Variants in RERE observed in about 807,000 individuals in gnomAD.
The protein encoded by RERE is arginine-glutamic acid dipeptide repeats.
RERE carries 40 observed loss-of-function variants against 146.1 expected under a neutral mutation model. That is an observed-to-expected ratio of 0.27 (90% CI 0.21 to 0.36). The LOEUF is 0.36. RERE is among the 10% of genes least tolerant of loss of function. RERE has a pLI of 1.00. For missense variants in RERE, 1,933 were observed against 2,138.7 expected, an observed-to-expected ratio of 0.90 and a Z score of 1.90; for synonymous variants, 1,003 against 866.0, an observed-to-expected ratio of 1.16 and a Z score of -2.78.
intron 11 of RERE, among the ~76,000 whole-genome samples, chr1:8,449,794 G>T (rs989798746): frequency 1.3e-5 from 2 of 152,192 alleles, no homozygotes; most frequent in Non-Finnish European, 2.9e-5. Flanking sequence ...TTGGATGGGG[G>T]TCAGTAATTT....
At chr1:8,436,712 T>C (rs1644174593) in intron 11 of RERE, among the ~76,000 whole-genome samples, 1 of 152,242 alleles carries the variant, frequency 6.6e-6, no homozygotes, top group African/African-American at 2.4e-5. Context: ...GTAAAATTAA[T>C]TTAAATGTTT....
intron 11 of RERE, among the ~76,000 whole-genome samples, chr1:8,442,678 C>T (rs988656456): frequency 4.6e-5 from 7 of 152,114 alleles, no homozygotes; most frequent in Non-Finnish European, 1.0e-4. Context: ...GCTATAAAGA[C>T]ACCTGAAAAT....
chr1:8,593,746 TTCTCTATTCA>T (rs1319853669), intron 4 of RERE, among the ~76,000 whole-genome samples: 1 of 152,228 alleles, frequency 6.6e-6, no homozygotes, highest in Non-Finnish European at 1.5e-5. Flanking sequence ...TACTTTCAGC[TTCTCTATTCA>T]TCTCCTGGTG....
At chr1:8,733,667 C>A (rs1640136152) in intron 1 of RERE, among the ~76,000 whole-genome samples, 1 of 152,222 alleles carries the variant, frequency 6.6e-6, no homozygotes. Flanking sequence ...CCCTATCAAG[C>A]CTTCAGTTGA....
intron 6 of RERE, 48 bp from the exon 7 acceptor site, chr1:8,541,366 G>C: frequency 8.2e-7 from 1 of 1,223,600 alleles, no homozygotes. Context: ...AACTGCTTTT[G>C]CTAACCAAAA....
chr1:8,739,532 C>T (rs569863560), intron 1 of RERE, among the ~76,000 whole-genome samples: 4 of 152,312 alleles, frequency 2.6e-5, no homozygotes, highest in South Asian at 4.2e-4. Context: ...CTTTCCTCCT[C>T]AATGTCTCTC....
chr1:8,551,731 T>C (rs1645938481), intron 6 of RERE, among the ~76,000 whole-genome samples: 1 of 152,344 alleles, frequency 6.6e-6, no homozygotes, highest in African/African-American at 2.4e-5. Flanking sequence ...ACCAGATGTG[T>C]GTGTTTGGTT....
intron 1 of RERE, among the ~76,000 whole-genome samples, chr1:8,701,421 AG>A (rs1417379974): frequency 6.6e-6 from 1 of 152,150 alleles, no homozygotes; most frequent in African/African-American, 2.4e-5. Context: ...ACACACACAA[AG>A]GAAGTGGTAC....
At chr1:8,674,178 T>G (rs146711005) in intron 1 of RERE, among the ~76,000 whole-genome samples, 74 of 152,306 alleles carry the variant, frequency 4.9e-4, no homozygotes, top group African/African-American at 1.7e-3. Context: ...TTAAATAATA[T>G]GTGCAAAGTT....
At chr1:8,507,386 A>G (rs1645265768) in intron 8 of RERE, among the ~76,000 whole-genome samples, 1 of 152,226 alleles carries the variant, frequency 6.6e-6, no homozygotes, top group African/African-American at 2.4e-5. Flanking sequence ...TGTCCTAACC[A>G]TCTTGACTCT....
intron 12 of RERE, among the ~76,000 whole-genome samples, chr1:8,374,904 T>C (rs1015650086): frequency 2.0e-5 from 3 of 152,196 alleles, no homozygotes; most frequent in Admixed American, 6.5e-5. Flanking sequence ...CCAGGCCCTG[T>C]AGTCCTCCTC....
Position 8,364,636 on chromosome 1 carries a change from T to G in RERE, c.1540+110A>C. 1.3e-6 allele frequency: 1 copy of G among 773,130 alleles called. No homozygotes were observed. The highest frequency in any genetic ancestry group is 1.5e-5 in the South Asian group (1 of 67,464). 47.9% of individuals were successfully genotyped at this position (773,130 alleles called of 1,614,324 possible). On this transcript the variant is annotated intron_variant, in intron 14 of 22. Coordinates refer to ENST00000400908, the MANE Select transcript of RERE (RefSeq NM_001042681.2). The surrounding 1 kb of genome is among the most constrained non-coding windows in gnomAD (Gnocchi z 5.1). ...CGAATCCCGAAGCACAATGCAAATG[T>G]CAAATCAAGTACTGTCCCTGGCAGG...
In RERE at chr1:8,362,980, C is replaced by T. The variant is rs1397728411; in HGVS notation, c.1741-136G>A. 6.4e-6 allele frequency: 6 copies of T among 934,090 alleles called. No individual in the cohort carries two copies. The South Asian group carries it at 6.8e-5, about 11-fold the overall frequency. The allele number at this position is 934,090 out of a possible 1,614,324, so 57.9% of individuals were successfully genotyped here. On this transcript the variant is annotated intron_variant, in intron 15 of 22. Transcript: ENST00000400908. ...GCAAATCCCAGACCTTGGCAAACAA[C>T]AGGCCGCCCTGCCTGTCCCTGGCTG...
At chr1:8,433,140 G>C (rs371781456) in intron 11 of RERE, among the ~76,000 whole-genome samples, 1 of 152,128 alleles carries the variant, frequency 6.6e-6, no homozygotes, top group African/African-American at 2.4e-5. Flanking sequence ...TACATCCCCC[G>C]TACTGGTAAC....
chr1:8,724,566 G>T (rs1639921494), intron 1 of RERE, among the ~76,000 whole-genome samples: 1 of 152,042 alleles, frequency 6.6e-6, no homozygotes, highest in Non-Finnish European at 1.5e-5. Context: ...TTACCTTCTG[G>T]CCGGGCGCGG....
At chr1:8,620,542 A>G (rs1646904562) in intron 3 of RERE, among the ~76,000 whole-genome samples, 2 of 152,152 alleles carry the variant, frequency 1.3e-5, no homozygotes, top group East Asian at 3.8e-4. Context: ...TCAGTCTCTC[A>G]GTTTCTCAAC....
At position 8,550,680 on chromosome 1, in the gene RERE, G is replaced by A. The variant is rs1645923468; in HGVS notation, c.725+5795C>T. Among the ~76,000 whole-genome samples the A allele has an allele frequency of 2.6e-5, 4 of 152,114 alleles. No individual in the cohort carries two copies. The South Asian group carries it at 8.3e-4, about 32-fold the overall frequency. On this transcript the variant is annotated intron_variant, in intron 6 of 22. Coordinates refer to ENST00000400908, the MANE Select transcript of RERE (RefSeq NM_001042681.2). Reference sequence around the variant, plus strand: ...TCCTGCCTCAGTCTCCCTAGTACCTGGGACTACAGGCACCAGCCACCACAC... The same window carrying A: ...TCCTGCCTCAGTCTCCCTAGTACCTAGGACTACAGGCACCAGCCACCACAC...
At chr1:8,714,271 A>G (rs1433484426) in intron 1 of RERE, among the ~76,000 whole-genome samples, 2 of 152,232 alleles carry the variant, frequency 1.3e-5, no homozygotes, top group Non-Finnish European at 2.9e-5. Flanking sequence ...TTCAGAAGAC[A>G]TCACTCTAAT....
chr1:8,810,211 G>A lies in RERE; in HGVS notation c.-145+6949C>T, dbSNP rs942395194. 2.0e-5 allele frequency among the ~76,000 whole-genome samples: 3 copies of A among 151,330 alleles called. No homozygotes were observed. In the East Asian group the frequency reaches 5.8e-4, roughly 29 times the overall value. On this transcript the variant is annotated intron_variant, in intron 1 of 22. Transcript: ENST00000400908. ...GACAAAGTTTCACCATGTTTGCCAG[G>A]CTGGTCTTGAATTCCTGACCTCAGG... is the stretch of plus-strand genomic sequence containing the variant.
Sources: allele counts gnomAD v4.1 joint callset (sites outside exome capture counted in the v4.1 genomes callset), GRCh38; gene constraint gnomAD v4.1.1; non-coding constraint Gnocchi (gnomAD v3.1); transcripts MANE v1.5; gene names NCBI Gene and HGNC (gene_info 2026-07-23, HGNC 2026-07-21).